The following MTMR2 variants were observed in gnomAD, a reference collection of about 807,000 sequenced individuals.
MTMR2 encodes the protein myotubularin related protein 2.
MTMR2 carries 55 observed loss-of-function variants against 86.9 expected under a neutral mutation model. The ratio of observed to expected loss-of-function variants is 0.63; its 90% CI spans 0.51 to 0.79. The LOEUF (loss-of-function observed/expected upper bound fraction) is 0.79, where lower values mean the gene tolerates loss of function less well. MTMR2 is among the 30% of genes least tolerant of loss of function. MTMR2 has a pLI of 0.00. For synonymous variants in MTMR2, 241 were observed against 266.8 expected (o/e 0.90, Z 0.94); for missense variants, 659 against 772.3 (o/e 0.85, Z 1.74).
At chr11:95,862,766 C>T (rs763611288) in intron 3 of MTMR2, among the ~76,000 whole-genome samples, 26 of 152,322 alleles carry the variant, frequency 1.7e-4, no homozygotes, top group Non-Finnish European at 3.1e-4. Context: ...TATGTAACCT[C>T]ACCAATTTCC....
At chr11:95,858,454 T>C (rs1344220094) in intron 6 of MTMR2, 77 bp downstream of exon 6, 6 of 940,424 alleles carry the variant, frequency 6.4e-6, no homozygotes, top group Non-Finnish European at 1.0e-5. Context: ...GTAGAGATTC[T>C]AGACAGCCTA....
At chr11:95,880,273 G>A (rs1352583656) in intron 2 of MTMR2, among the ~76,000 whole-genome samples, 1 of 151,934 alleles carries the variant, frequency 6.6e-6, no homozygotes, top group Non-Finnish European at 1.5e-5. Flanking sequence ...TTTCTCAACT[G>A]CATATATGTC....
At chr11:95,909,589 A>G (rs1036013237) in intron 1 of MTMR2, among the ~76,000 whole-genome samples, 2 of 152,110 alleles carry the variant, frequency 1.3e-5, no homozygotes, top group Non-Finnish European at 2.9e-5. Flanking sequence ...GGCCTCAGCC[A>G]TCTTCCCTCC....
chr11:95,893,020 C>A (rs184688887), intron 1 of MTMR2, among the ~76,000 whole-genome samples: 13 of 152,222 alleles, frequency 8.5e-5, no homozygotes, highest in Admixed American at 7.9e-4. Flanking sequence ...CATATAAAAA[C>A]CTTCTTCCTC....
chr11:95,849,758 A>C lies in MTMR2; in HGVS notation c.909T>G (p.Leu303=). The C allele has an allele frequency of 1.2e-6, 2 of 1,614,172 alleles. No individual in the cohort carries two copies. The highest frequency in any genetic ancestry group is 1.7e-6 in the Non-Finnish European group (2 of 1,179,988). The change falls in exon 9 of 15, where the codon CTT becomes CTG. Residue 303 remains leucine, a synonymous_variant. Transcript: ENST00000346299. ...GGGCATTGGAATCCATGATAGCTTGAAGGTATTTTTCATCTTCTTTGCTTC... is the reference window on the plus strand; with the variant it reads ...GGGCATTGGAATCCATGATAGCTTGCAGGTATTTTTCATCTTCTTTGCTTC... The part of the protein sequence containing the change: ...GKRSKEDEKY[L]QAIMDSNAQS...
At chr11:95,862,652 C>T (rs896754075) in intron 3 of MTMR2, among the ~76,000 whole-genome samples, 7 of 152,098 alleles carry the variant, frequency 4.6e-5, no homozygotes, top group Non-Finnish European at 8.8e-5. Flanking sequence ...CTAGATAAAA[C>T]AGGTGTGGGT....
intron 1 of MTMR2, among the ~76,000 whole-genome samples, chr11:95,915,052 T>C (rs951961867): frequency 6.6e-6 from 1 of 152,198 alleles, no homozygotes; most frequent in Non-Finnish European, 1.5e-5. Context: ...ACTATAACTG[T>C]CTACCACTAG....
chr11:95,871,046 C>T (rs1310302568), intron 2 of MTMR2, among the ~76,000 whole-genome samples: 2 of 152,014 alleles, frequency 1.3e-5, no homozygotes, highest in Admixed American at 1.3e-4. Context: ...TTCATCCATG[C>T]CCCTACAAAG....
intron 1 of MTMR2, among the ~76,000 whole-genome samples, chr11:95,896,172 G>A (rs971902745): frequency 1.3e-5 from 2 of 151,998 alleles, no homozygotes; most frequent in Non-Finnish European, 2.9e-5. Flanking sequence ...TCACCTCCTT[G>A]GGAAAATCCA....
At chr11:95,889,911 T>C (rs1865654359) in intron 1 of MTMR2, among the ~76,000 whole-genome samples, 1 of 152,196 alleles carries the variant, frequency 6.6e-6, no homozygotes, top group South Asian at 2.1e-4. Context: ...TTAAAAGTCT[T>C]CCTTATACCA....
Position 95,834,443 on chromosome 11 carries a change from T to TTAAA in MTMR2, c.*843_*846dup, listed in dbSNP as rs1175985476. 6.6e-6 allele frequency: 1 copy of TTAAA among 152,102 alleles called. No homozygotes were observed. The highest frequency in any genetic ancestry group is 2.4e-5 in the African/African-American group (1 of 41,434). 9.4% of individuals were successfully genotyped at this position (152,102 alleles called of 1,614,324 possible). On this transcript the variant is annotated 3_prime_UTR_variant, in exon 15 of 15. Coordinates refer to ENST00000346299, the MANE Select transcript of MTMR2 (RefSeq NM_016156.6). ...AAAAATGTCAATCCTAGTAAGATTT[T>TTAAA]TAAATACTTCTTAAAAACTTGCTAA...
intron 10 of MTMR2, 132 bp downstream of exon 10, chr11:95,847,582 G>T: frequency 1.2e-6 from 1 of 814,864 alleles, no homozygotes; most frequent in Non-Finnish European, 2.1e-6. Context: ...GTAGTTCCAA[G>T]TATCAAAGCA....
intron 1 of MTMR2, among the ~76,000 whole-genome samples, chr11:95,893,878 T>A (rs535385590): frequency 1.3e-5 from 2 of 152,256 alleles, no homozygotes; most frequent in East Asian, 3.9e-4. Flanking sequence ...CTCCTACTCA[T>A]CCAATATATC....
chr11:95,888,065 G>T, intron 2 of MTMR2, 91 bp downstream of exon 2: 1 of 947,062 alleles, frequency 1.1e-6, no homozygotes, highest in Non-Finnish European at 1.7e-6. Flanking sequence ...TACTCCATCA[G>T]TATCTCCTGC....
Position 95,923,893 on chromosome 11 carries a change from C to T in MTMR2, c.62G>A (p.Ser21Asn), listed in dbSNP as rs750766331. The T allele has an allele frequency of 1.9e-6, 3 of 1,556,576 alleles. No homozygotes were observed. The highest frequency in any genetic ancestry group is 2.6e-6 in the Non-Finnish European group (3 of 1,150,230). The change falls in exon 1 of 15, where the codon AGC becomes AAC. Residue 21 changes from serine (S) to asparagine (N), a missense_variant. Coordinates refer to ENST00000346299, the MANE Select transcript of MTMR2 (RefSeq NM_016156.6). Reference protein sequence around the residue: ...GSQPAAARPPSVDSLSSASTS... With the variant: ...GSQPAAARPPNVDSLSSASTS... ...TGGTTACCTGGACAAGGAGTCCACGCTGGGCGGCCGAGCCGCCGCCGGCTG... is the reference window on the plus strand; with the variant it reads ...TGGTTACCTGGACAAGGAGTCCACGTTGGGCGGCCGAGCCGCCGCCGGCTG...
chr11:95,901,979 T>C (rs1391858109), intron 1 of MTMR2, among the ~76,000 whole-genome samples: 1 of 152,196 alleles, frequency 6.6e-6, no homozygotes, highest in East Asian at 1.9e-4. Context: ...CCACTTAGAA[T>C]TCAGTATGAA....
intron 1 of MTMR2, among the ~76,000 whole-genome samples, chr11:95,895,704 A>T (rs1865856429): frequency 6.6e-6 from 1 of 152,170 alleles, no homozygotes; most frequent in African/African-American, 2.4e-5. Flanking sequence ...TAGTTCCTTA[A>T]AAGGTGAAAC....
At chr11:95,908,111 A>C (rs556764312) in intron 1 of MTMR2, among the ~76,000 whole-genome samples, 1 of 152,166 alleles carries the variant, frequency 6.6e-6, no homozygotes, top group East Asian at 1.9e-4. Flanking sequence ...TCTCTGCCCA[A>C]AAGCTACTAG....
At chr11:95,868,274 A>G (rs1275930871) in intron 2 of MTMR2, among the ~76,000 whole-genome samples, 1 of 3,542 alleles carries the variant, frequency 2.8e-4, no homozygotes, top group African/African-American at 2.4e-3. Flanking sequence ...ACCCTGTGCT[A>G]AAAAAAAAAA....
Sources: allele counts gnomAD v4.1 joint callset (sites outside exome capture counted in the v4.1 genomes callset), GRCh38; gene constraint gnomAD v4.1.1; transcripts MANE v1.5; gene names NCBI Gene and HGNC (gene_info 2026-07-23, HGNC 2026-07-21).